The following RIN2 variants were observed in gnomAD, a reference collection of about 807,000 sequenced individuals.
RIN2 encodes Ras and Rab interactor 2.
RIN2 carries 36 observed loss-of-function variants against 78.0 expected under a neutral mutation model. The ratio of observed to expected loss-of-function variants is 0.46; its 90% CI spans 0.35 to 0.61. The LOEUF (loss-of-function observed/expected upper bound fraction) is 0.61, where lower values mean the gene tolerates loss of function less well. Among genes scored for constraint, RIN2 ranks in the 20% least tolerant of loss-of-function variants. RIN2 has a pLI of 0.00. For missense variants in RIN2, 1,087 were observed against 1,159.7 expected (o/e 0.94, Z 0.91); for synonymous variants, 466 against 466.8 (o/e 1.00, Z 0.02).
At chr20:19,948,114 A>G (rs539150131) in intron 4 of RIN2, among the ~76,000 whole-genome samples, 1 of 152,316 alleles carries the variant, frequency 6.6e-6, no homozygotes, top group Admixed American at 6.5e-5. Flanking sequence ...ATAAAACACA[A>G]GGGTAGACCA....
chr20:19,953,478 T>G (rs1422327297), intron 4 of RIN2, among the ~76,000 whole-genome samples: 1 of 152,044 alleles, frequency 6.6e-6, no homozygotes, highest in Non-Finnish European at 1.5e-5. Context: ...CTTGCTCTGT[T>G]GCCCAGCCTG....
At chr20:19,853,952 C>T (rs1444134776) in intron 2 of RIN2, among the ~76,000 whole-genome samples, 12 of 152,170 alleles carry the variant, frequency 7.9e-5, no homozygotes, top group Non-Finnish European at 1.8e-4. Context: ...GAAGTCGTTG[C>T]CCATGCCTAT....
At chr20:19,865,612 C>CAAAAAGCTA (rs1489579251) in intron 2 of RIN2, among the ~76,000 whole-genome samples, 7 of 151,530 alleles carry the variant, frequency 4.6e-5, no homozygotes, top group African/African-American at 1.7e-4. Context: ...CTCAGCCTCT[C>CAAAAAGCTA]AAAAAGCTAA....
intron 4 of RIN2, among the ~76,000 whole-genome samples, chr20:19,948,226 CT>C (rs578091986): frequency 2.6e-5 from 4 of 152,170 alleles, no homozygotes; most frequent in Non-Finnish European, 2.9e-5. Context: ...GGAACTTCCC[CT>C]AGGAAAGCAT....
chr20:19,800,989 C>A (rs1206720518), intron 2 of RIN2, among the ~76,000 whole-genome samples: 1 of 152,178 alleles, frequency 6.6e-6, no homozygotes, highest in Non-Finnish European at 1.5e-5. Flanking sequence ...TCTTTCTGGG[C>A]TGGGAGCTGG....
chr20:19,979,135 G>T (rs2042370906), intron 9 of RIN2, among the ~76,000 whole-genome samples: 2 of 152,320 alleles, frequency 1.3e-5, no homozygotes, highest in East Asian at 1.9e-4. Context: ...TTAGTAAAAT[G>T]ATGTTTATTT....
At chr20:19,950,001 G>A (rs1177850590) in intron 4 of RIN2, among the ~76,000 whole-genome samples, 1 of 152,156 alleles carries the variant, frequency 6.6e-6, no homozygotes, top group African/African-American at 2.4e-5. Context: ...TTGGGCCATG[G>A]GAAGGAAGGA....
intron 3 of RIN2, among the ~76,000 whole-genome samples, chr20:19,890,769 C>T (rs1272869537): frequency 6.7e-6 from 1 of 148,646 alleles, no homozygotes; most frequent in Non-Finnish European, 1.5e-5. Context: ...AGAACATCAC[C>T]AGGACACAGT....
intron 2 of RIN2, among the ~76,000 whole-genome samples, chr20:19,860,827 T>C (rs2037311602): frequency 6.6e-6 from 1 of 152,184 alleles, no homozygotes; most frequent in South Asian, 2.1e-4. Flanking sequence ...GAAACCAAAC[T>C]CTGATTCACC....
intron 5 of RIN2, among the ~76,000 whole-genome samples, chr20:19,957,419 G>A (rs535488269): frequency 3.2e-4 from 48 of 152,344 alleles, no homozygotes; most frequent in African/African-American, 1.1e-3. Flanking sequence ...GCTCACGCCT[G>A]TAATCCCAGC....
At chr20:19,964,369 A>T (rs2041868996) in intron 6 of RIN2, among the ~76,000 whole-genome samples, 1 of 152,146 alleles carries the variant, frequency 6.6e-6, no homozygotes, top group Non-Finnish European at 1.5e-5. Context: ...TCGGCCTCCC[A>T]AAGTGCTGGG....
At chr20:19,962,641 C>G (rs1353520346) in intron 6 of RIN2, among the ~76,000 whole-genome samples, 1 of 152,238 alleles carries the variant, frequency 6.6e-6, no homozygotes, top group Non-Finnish European at 1.5e-5. Context: ...ACTGCAATGG[C>G]CCCTTCTCAG....
rs565157113 is a variant in RIN2 at position 19,955,002 on chromosome 20, G to A, written c.159-1613G>A. 2.4e-4 allele frequency among the ~76,000 whole-genome samples: 37 copies of A among 152,184 alleles called. No individual in the cohort carries two copies. The South Asian group carries it at 7.7e-3, about 32-fold the overall frequency. On this transcript the variant is annotated intron_variant, in intron 4 of 12. Transcript: ENST00000255006. Reference sequence around the variant, plus strand: ...CACCCTTTTAATGTGCATGATTCGCGGGTTTTAGTACCTTCACACATTGTG... The same window carrying A: ...CACCCTTTTAATGTGCATGATTCGCAGGTTTTAGTACCTTCACACATTGTG...
At chr20:19,952,498 A>T (rs1353429086) in intron 4 of RIN2, among the ~76,000 whole-genome samples, 1 of 152,222 alleles carries the variant, frequency 6.6e-6, no homozygotes, top group East Asian at 1.9e-4. Flanking sequence ...GTGTCAGCTT[A>T]GTCATTTGCA....
chr20:19,836,307 G>C (rs533070838), intron 2 of RIN2, among the ~76,000 whole-genome samples: 1 of 152,276 alleles, frequency 6.6e-6, no homozygotes, highest in South Asian at 2.1e-4. Context: ...ACTAAAATTT[G>C]AGTGAATTCA....
At chr20:19,784,160 A>C (rs2034598243) in intron 1 of RIN2, among the ~76,000 whole-genome samples, 1 of 152,194 alleles carries the variant, frequency 6.6e-6, no homozygotes, top group Admixed American at 6.5e-5. Flanking sequence ...AACTCCTGCA[A>C]CCTGTAGTTT....
chr20:19,854,164 A>G lies in RIN2; in HGVS notation c.-36-35402A>G, dbSNP rs552425176. Among the ~76,000 whole-genome samples, 3 of 152,172 alleles carry G rather than the reference A, an allele frequency of 2.0e-5. No homozygotes were observed. The East Asian group carries it at 5.8e-4, about 29-fold the overall frequency. Reference sequence around the variant, plus strand: ...CCTTTCCCCATTTCTTGTTTTTGTCAGGTTTGTCAAAGATCAGATGGTTGT... The same window carrying G: ...CCTTTCCCCATTTCTTGTTTTTGTCGGGTTTGTCAAAGATCAGATGGTTGT... On this transcript the variant is annotated intron_variant, in intron 2 of 12. Transcript: ENST00000255006.
At chr20:19,942,622 T>C (rs2040925715) in intron 4 of RIN2, among the ~76,000 whole-genome samples, 1 of 152,250 alleles carries the variant, frequency 6.6e-6, no homozygotes, top group Admixed American at 6.5e-5. Context: ...CTTTGATGTG[T>C]ATCCTTCTGA....
At chr20:19,924,587 A>C (rs959619734) in intron 3 of RIN2, among the ~76,000 whole-genome samples, 4 of 906 alleles carry the variant, frequency 4.4e-3, no homozygotes, top group South Asian at 0.1. Flanking sequence ...TTCATTCCCC[A>C]CCCCTTCATA....
Sources: gnomAD v4.1 joint callset for allele counts (sites outside exome capture counted in the v4.1 genomes callset) on GRCh38, gnomAD v4.1.1 for gene constraint, MANE v1.5 for transcripts, NCBI Gene and HGNC (gene_info 2026-07-23, HGNC 2026-07-21) for gene names.